SULT1E1: variants seen among roughly 807,000 people sequenced by gnomAD.
The protein encoded by SULT1E1 is sulfotransferase family 1E member 1.
SULT1E1 carries 36 observed loss-of-function variants against 33.6 expected under a neutral mutation model. The observed-to-expected ratio is 1.07, with a 90% CI of 0.82 to 1.41. The LOEUF (loss-of-function observed/expected upper bound fraction) is 1.41. Among genes scored for constraint, SULT1E1 ranks in the 40% most tolerant of loss-of-function variants. The probability of loss-of-function intolerance (pLI) is 0.00; values close to 1 mark genes in which losing one functional copy is unlikely to be tolerated. For synonymous variants in SULT1E1, 121 were observed against 111.7 expected, an observed-to-expected ratio of 1.08 and a Z score of -0.53; for missense variants, 371 against 345.7, an observed-to-expected ratio of 1.07 and a Z score of -0.58.
At chr4:69,824,256 A>G in the SULT1E1 span, among the ~76,000 whole-genome samples, 1 of 152,216 alleles carries the variant, frequency 6.6e-6, no homozygotes. Context: ...AGGCCATCCA[A>G]GTGCCACAGA....
chr4:69,823,710 G>C, the SULT1E1 span, among the ~76,000 whole-genome samples: 3 of 152,124 alleles, frequency 2.0e-5, no homozygotes, highest in Admixed American at 2.0e-4. Flanking sequence ...AGCATATTTA[G>C]AGTCTGTGTA....
chr4:69,827,275 C>G, the SULT1E1 span, among the ~76,000 whole-genome samples: 20 of 152,054 alleles, frequency 1.3e-4, no homozygotes, highest in Non-Finnish European at 2.6e-4. Flanking sequence ...TTGGAGATAC[C>G]TGATATCTTA....
chr4:69,823,729 C>A, the SULT1E1 span, among the ~76,000 whole-genome samples: 1 of 152,114 alleles, frequency 6.6e-6, no homozygotes, highest in African/African-American at 2.4e-5. Context: ...TAAATATTTG[C>A]CTTTCGGTCT....
intron 1 of SULT1E1, among the ~76,000 whole-genome samples, chr4:69,859,571 G>A (rs1201660338): frequency 6.6e-6 from 1 of 152,080 alleles, no homozygotes; most frequent in Non-Finnish European, 1.5e-5. Context: ...AGATTTAAAA[G>A]GCAATATATG....
the SULT1E1 span, among the ~76,000 whole-genome samples, chr4:69,823,632 T>C: frequency 6.6e-6 from 1 of 152,212 alleles, no homozygotes; most frequent in African/African-American, 2.4e-5. Flanking sequence ...TGTACTTTGT[T>C]TATTTTCCTC....
chr4:69,838,846 A>G (rs1004695540), downstream of SULT1E1, among the ~76,000 whole-genome samples: 1 of 152,236 alleles, frequency 6.6e-6, no homozygotes, highest in African/African-American at 2.4e-5. Flanking sequence ...CTCATACTGC[A>G]CTTGCCCTTT....
rs760367905 is a variant in SULT1E1 at position 69,857,656 on chromosome 4, GA to G, written c.-9-4del. ...AGTTCAGAATTCATTGTGGTACACT[GA>G]AAAAAAACCTCTGCTTTATACTTTG... is the stretch of plus-strand genomic sequence containing the variant. On this transcript the variant is annotated splice_region_variant and splice_polypyrimidine_tract_variant and intron_variant, in intron 1 of 7. Coordinates refer to ENST00000226444, the MANE Select transcript of SULT1E1 (RefSeq NM_005420.3). 103 of 1,574,188 alleles carry G rather than the reference GA, an allele frequency of 6.5e-5. No homozygotes were observed. Among genetic ancestry groups the G allele is most frequent in the Non-Finnish European group, 8.1e-5 (95 of 1,167,280 alleles).
chr4:69,850,562 T>C (rs960812559), intron 4 of SULT1E1, among the ~76,000 whole-genome samples: 1 of 152,086 alleles, frequency 6.6e-6, no homozygotes, highest in African/African-American at 2.4e-5. Context: ...AGTGAACATT[T>C]TTCATATAAA....
At chr4:69,834,373 G>A in the SULT1E1 span, among the ~76,000 whole-genome samples, 1 of 152,138 alleles carries the variant, frequency 6.6e-6, no homozygotes, top group Non-Finnish European at 1.5e-5. Context: ...TGACAGTCAG[G>A]CAATATTATA....
chr4:69,823,033 G>A, the SULT1E1 span, among the ~76,000 whole-genome samples: 1 of 152,170 alleles, frequency 6.6e-6, no homozygotes, highest in Non-Finnish European at 1.5e-5. Context: ...TTGCTTTGGT[G>A]CTATTGCTGC....
At chr4:69,824,828 C>T in the SULT1E1 span, among the ~76,000 whole-genome samples, 1 of 152,122 alleles carries the variant, frequency 6.6e-6, no homozygotes, top group Non-Finnish European at 1.5e-5. Flanking sequence ...GTGGGCAGGG[C>T]CAAATAAGGG....
downstream of SULT1E1, chr4:69,838,364 G>A (rs1720827347): frequency 6.6e-6 from 1 of 151,240 alleles, no homozygotes; most frequent in Non-Finnish European, 1.5e-5. Context: ...TTTAAATATT[G>A]GGCCAAAATC....
intron 3 of SULT1E1, among the ~76,000 whole-genome samples, 164 bp downstream of exon 3, chr4:69,855,137 G>C (rs540857859): frequency 4.6e-5 from 7 of 151,862 alleles, no homozygotes; most frequent in African/African-American, 1.2e-4. Context: ...ATACTATACT[G>C]CAAAGCCTGT....
chr4:69,855,194 G>A lies in SULT1E1; in HGVS notation c.271+107C>T, dbSNP rs763804650. 5 of 1,158,524 alleles carry A rather than the reference G, an allele frequency of 4.3e-6. No homozygotes were observed. The East Asian group carries it at 1.3e-4, about 29-fold the overall frequency. 71.8% of individuals were successfully genotyped at this position (1,158,524 alleles called of 1,614,324 possible). ...AATTTATATGCTGTCTTATGTAGAA[G>A]ACCTGATACTAATTGCCATTCTTGC... On this transcript the variant is annotated intron_variant, in intron 3 of 7. Transcript: ENST00000226444.
At chr4:69,823,854 G>A in the SULT1E1 span, among the ~76,000 whole-genome samples, 13 of 150,614 alleles carry the variant, frequency 8.6e-5, no homozygotes, top group East Asian at 5.8e-4. Flanking sequence ...TGCATACTCC[G>A]CTCAGTGGAC....
At chr4:69,836,965 C>T (rs542122223), downstream of SULT1E1, among the ~76,000 whole-genome samples, 4 of 152,206 alleles carry the variant, frequency 2.6e-5, no homozygotes, top group East Asian at 7.7e-4. Context: ...TGCCTATAGT[C>T]TCAGCTACTT....
At chr4:69,844,880 C>T (rs1397918513) in intron 6 of SULT1E1, among the ~76,000 whole-genome samples, 1 of 152,090 alleles carries the variant, frequency 6.6e-6, no homozygotes, top group Non-Finnish European at 1.5e-5. Context: ...CATTATTCAG[C>T]TATATCTCTC....
chr4:69,825,501 A>G, the SULT1E1 span, among the ~76,000 whole-genome samples: 1 of 152,048 alleles, frequency 6.6e-6, no homozygotes, highest in Non-Finnish European at 1.5e-5. Context: ...GGGGCTAAAT[A>G]CCAGGCACCT....
At chr4:69,856,935 C>CAAAAAAAAAAA (rs11464421) in intron 2 of SULT1E1, among the ~76,000 whole-genome samples, 2 of 59,226 alleles carry the variant, frequency 3.4e-5, no homozygotes, top group Non-Finnish European at 2.7e-5. Context: ...GACTCCGTCT[C>CAAAAAAAAAAA]AAAAAAAAAA....
Sources: gnomAD v4.1 joint callset for allele counts (sites outside exome capture counted in the v4.1 genomes callset) on GRCh38, gnomAD v4.1.1 for gene constraint, MANE v1.5 for transcripts, NCBI Gene and HGNC (gene_info 2026-07-23, HGNC 2026-07-21) for gene names.